GANC: variants seen among roughly 807,000 people sequenced by gnomAD.
GANC encodes the protein glucosidase alpha, neutral C, also known as neutral alpha-glucosidase C.
In GANC, 117 loss-of-function variants were observed where a neutral mutation model predicts 124.2. The ratio of observed to expected loss-of-function variants is 0.94; its 90% CI spans 0.81 to 1.10. The LOEUF (loss-of-function observed/expected upper bound fraction) is 1.10. Ranked by LOEUF, GANC falls within the 50% of genes least tolerant of loss-of-function variation. The probability of loss-of-function intolerance (pLI) is 0.00; values close to 1 mark genes in which losing one functional copy is unlikely to be tolerated. For missense variants in GANC, 1,140 were observed against 1,095.0 expected (o/e 1.04, Z -0.58); for synonymous variants, 377 against 376.8 (o/e 1.00, Z -0.01).
chr15:42,288,399 C>T lies in GANC; in HGVS notation c.329+581C>T, dbSNP rs1057133007. On this transcript the variant is annotated intron_variant, in intron 4 of 23. Coordinates refer to ENST00000318010, the MANE Select transcript of GANC (RefSeq NM_198141.3). ...AGTACCTGCAAAACTTTAATCTCTT[C>T]TCATAACACTTTCCAGTGATATTTC... 2.6e-4 allele frequency among the ~76,000 whole-genome samples: 40 copies of T among 152,178 alleles called. 1 individual carries two copies. The highest frequency in any genetic ancestry group is 9.7e-4 in the African/African-American group (40 of 41,442).
At chr15:42,351,938 A>G (rs1287461430) in intron 23 of GANC, 92 bp from the exon 24 acceptor site, 1 of 1,508,632 alleles carries the variant, frequency 6.6e-7, no homozygotes, top group Non-Finnish European at 9.0e-7. Context: ...AGGTTTTATG[A>G]TACAGTGAGA....
intron 15 of GANC, among the ~76,000 whole-genome samples, chr15:42,336,610 G>C (rs112529706): frequency 0.078 from 11,876 of 152,066 alleles, 536 homozygotes; most frequent in South Asian, 0.16. Flanking sequence ...AAAACAATTG[G>C]AACAAAAGCA....
chr15:42,274,600 G>A, intron 1 of GANC, 90 bp downstream of exon 1: 2 of 1,260,886 alleles, frequency 1.6e-6, no homozygotes, highest in South Asian at 1.4e-5. Flanking sequence ...TTGCGTATTT[G>A]GTATTTGCTG....
At position 42,287,824 on chromosome 15, in the gene GANC, C is replaced by G; in HGVS notation, c.329+6C>G. On this transcript the variant is annotated splice_donor_region_variant and intron_variant, in intron 4 of 23. Transcript: ENST00000318010. ...AGCAAGCCAAGCACTGTAAGGTAAGCCAAGGAGCGAGGTATTTTAGAGACA... is the reference window on the plus strand; with the variant it reads ...AGCAAGCCAAGCACTGTAAGGTAAGGCAAGGAGCGAGGTATTTTAGAGACA... The G allele has an allele frequency of 6.2e-7, 1 of 1,604,472 alleles. No homozygotes were observed. The highest frequency in any genetic ancestry group is 8.5e-7 in the Non-Finnish European group (1 of 1,177,312).
At chr15:42,349,015 G>A (rs1259771058) in intron 21 of GANC, among the ~76,000 whole-genome samples, 1 of 152,308 alleles carries the variant, frequency 6.6e-6, no homozygotes, top group African/African-American at 2.4e-5. Flanking sequence ...TCTAAAGATA[G>A]TTGATGTCAT....
intron 10 of GANC, among the ~76,000 whole-genome samples, chr15:42,311,259 T>C (rs149730733): frequency 2.9e-4 from 44 of 152,354 alleles, no homozygotes; most frequent in African/African-American, 9.9e-4. Flanking sequence ...CATTGCATTT[T>C]CACCACTATT....
chr15:42,300,497 C>G (rs1452057025), intron 6 of GANC, among the ~76,000 whole-genome samples: 2 of 152,104 alleles, frequency 1.3e-5, no homozygotes, highest in Non-Finnish European at 2.9e-5. Context: ...CTTTTACACT[C>G]TTGGTGGAAA....
At chr15:42,290,311 A>T (rs751187128) in intron 4 of GANC, among the ~76,000 whole-genome samples, 1 of 152,232 alleles carries the variant, frequency 6.6e-6, no homozygotes. Flanking sequence ...AAAGAAAACA[A>T]TAGTCTCAGG....
chr15:42,311,626 A>C (rs2052050556), intron 10 of GANC, among the ~76,000 whole-genome samples: 1 of 152,232 alleles, frequency 6.6e-6, no homozygotes, highest in East Asian at 1.9e-4. Context: ...GGAAGCAGGC[A>C]CATCTTACCT....
chr15:42,302,963 T>G (rs1275445077), intron 6 of GANC, among the ~76,000 whole-genome samples: 1 of 152,162 alleles, frequency 6.6e-6, no homozygotes, highest in Admixed American at 6.5e-5. Context: ...TTCCCCAACA[T>G]GGCAAGACGG....
chr15:42,287,574 C>T (rs2051802377), intron 3 of GANC, 117 bp from the exon 4 acceptor site: 1 of 1,039,380 alleles, frequency 9.6e-7, no homozygotes, highest in Non-Finnish European at 1.4e-6. Context: ...CCATTGTTCT[C>T]CAATTTGCTT....
At chr15:42,303,760 G>T (rs1386628827) in intron 6 of GANC, among the ~76,000 whole-genome samples, 1 of 150,490 alleles carries the variant, frequency 6.6e-6, no homozygotes, top group Non-Finnish European at 1.5e-5. Context: ...GACAAAAAAG[G>T]GCATTACATA....
intron 10 of GANC, 109 bp from the exon 11 acceptor site, chr15:42,321,676 T>G: frequency 1.1e-6 from 1 of 919,796 alleles, no homozygotes; most frequent in Non-Finnish European, 1.7e-6. Flanking sequence ...CTTGTTATTC[T>G]AAGCATAAGC....
intron 15 of GANC, among the ~76,000 whole-genome samples, chr15:42,338,069 A>G (rs1245674950): frequency 6.6e-6 from 1 of 151,734 alleles, no homozygotes; most frequent in Non-Finnish European, 1.5e-5. Flanking sequence ...ATCTAAAAAA[A>G]AAACAAACCA....
At chr15:42,348,075 C>A in intron 20 of GANC, 28 bp from the exon 21 acceptor site, 1 of 1,262,210 alleles carries the variant, frequency 7.9e-7, no homozygotes, top group Non-Finnish European at 1.1e-6. Flanking sequence ...ATGAATACTG[C>A]TTCCCTGAGC....
chr15:42,287,762 T>C lies in GANC; in HGVS notation c.273T>C (p.Pro91=). The C allele has an allele frequency of 1.2e-6, 2 of 1,613,382 alleles. No homozygotes were observed. Among genetic ancestry groups the C allele is most frequent in the East Asian group, 2.2e-5 (1 of 44,854 alleles). Reference sequence around the variant, plus strand: ...GGCTTAAAATTAATGAAGAGACTCCTCTAAAACCCAGATTTGAAGTTCCGG... The same window carrying C: ...GGCTTAAAATTAATGAAGAGACTCCCCTAAAACCCAGATTTGAAGTTCCGG... ...IFRLKINEET[P]LKPRFEVPDV... The change falls in exon 4 of 24, where the codon CCT becomes CCC. Residue 91 remains proline, a synonymous_variant. Transcript: ENST00000318010.
At chr15:42,303,768 A>G (rs1051985217) in intron 6 of GANC, among the ~76,000 whole-genome samples, 3 of 152,244 alleles carry the variant, frequency 2.0e-5, no homozygotes, top group East Asian at 1.9e-4. Flanking sequence ...AGGGCATTAC[A>G]TAATAGTAAA....
intron 10 of GANC, among the ~76,000 whole-genome samples, chr15:42,320,550 GCAGTTCTCCTGCCT>G (rs1320825941): frequency 2.0e-5 from 3 of 152,172 alleles, no homozygotes; most frequent in Admixed American, 6.5e-5. Flanking sequence ...CTGGGTTCAA[GCAGTTCTCCTGCCT>G]CAGCCTCCCA....
In GANC at chr15:42,292,716, T is replaced by C. The variant is rs1179648800; in HGVS notation, c.330-19T>C. The C allele has an allele frequency of 1.9e-6, 3 of 1,609,004 alleles. No individual in the cohort carries two copies. The highest frequency in any genetic ancestry group is 2.7e-5 in the African/African-American group (2 of 74,822). On this transcript the variant is annotated intron_variant, in intron 4 of 23. Coordinates refer to ENST00000318010, the MANE Select transcript of GANC (RefSeq NM_198141.3). ...AAACCTATAGCAGCTTGTTTCTCTC[T>C]TCCTGTTTTGTTTTCTAGGCTGATT... is the stretch of plus-strand genomic sequence containing the variant.
Sources: gnomAD v4.1 joint callset for allele counts (sites outside exome capture counted in the v4.1 genomes callset) on GRCh38, gnomAD v4.1.1 for gene constraint, MANE v1.5 for transcripts, NCBI Gene and HGNC (gene_info 2026-07-23, HGNC 2026-07-21) for gene names.